MGAT5: variants seen among roughly 807,000 people sequenced by gnomAD.
MGAT5 encodes alpha-1,6-mannosylglycoprotein 6-beta-N-acetylglucosaminyltransferase.
MGAT5 carries 30 observed loss-of-function variants against 94.3 expected under a neutral mutation model. The observed-to-expected ratio is 0.32, with a 90% CI of 0.24 to 0.43. The LOEUF is 0.43. MGAT5 is among the 20% of genes least tolerant of loss of function. The pLI, the probability that MGAT5 is intolerant of heterozygous loss-of-function variation, is 1.00. For missense variants in MGAT5, 691 were observed against 905.5 expected, an observed-to-expected ratio of 0.76 and a Z score of 3.04; for synonymous variants, 310 against 322.9, an observed-to-expected ratio of 0.96 and a Z score of 0.43.
chr2:134,448,553 C>A, intron 15 of MGAT5, 96 bp from the exon 16 acceptor site: 1 of 1,091,794 alleles, frequency 9.2e-7, no homozygotes, highest in Non-Finnish European at 1.4e-6. Flanking sequence ...AACTGAACAT[C>A]CCCCCATGCC....
intron 1 of MGAT5, among the ~76,000 whole-genome samples, chr2:134,141,745 C>T (rs1182404500): frequency 6.6e-6 from 1 of 152,186 alleles, no homozygotes; most frequent in Non-Finnish European, 1.5e-5. Flanking sequence ...AAGACATTGC[C>T]AGCAGGGGCC....
intron 4 of MGAT5, among the ~76,000 whole-genome samples, chr2:134,326,369 A>G (rs1342864904): frequency 1.3e-5 from 2 of 152,060 alleles, no homozygotes; most frequent in East Asian, 3.9e-4. Flanking sequence ...CGCTTTGGCC[A>G]GTGAGGACCT....
intron 1 of MGAT5, among the ~76,000 whole-genome samples, chr2:134,142,124 T>C (rs1686685508): frequency 6.6e-6 from 1 of 152,110 alleles, no homozygotes; most frequent in South Asian, 2.1e-4. Context: ...TGGTCTTGCA[T>C]AGTTCAGGGC....
rs557698083 is a variant in MGAT5 at position 134,174,868 on chromosome 2, A to G, written c.-143+54577A>G. Among the ~76,000 whole-genome samples, 53 of 152,276 alleles carry G rather than the reference A, an allele frequency of 3.5e-4. 1 individual carries two copies. The highest frequency in any genetic ancestry group is 1.2e-3 in the African/African-American group (51 of 41,550). On this transcript the variant is annotated intron_variant, in intron 1 of 16. Transcript: ENST00000409645. ...GCTTTGGCAAGATTGTTAGCTGAGG[A>G]ATGTTGTCACCTCTTCTGGGTGCTT...
intron 9 of MGAT5, among the ~76,000 whole-genome samples, chr2:134,351,879 C>T (rs1245066770): frequency 6.6e-6 from 1 of 151,944 alleles, no homozygotes; most frequent in African/African-American, 2.4e-5. Context: ...CATGTTCCAA[C>T]GGAAAAATGG....
chr2:134,421,903 T>G (rs1020485662), intron 12 of MGAT5, among the ~76,000 whole-genome samples: 1 of 152,092 alleles, frequency 6.6e-6, no homozygotes, highest in African/African-American at 2.4e-5. Flanking sequence ...CACAGTGGCT[T>G]GTGCCTGTAA....
At chr2:134,368,754 G>A (rs1362176561) in intron 10 of MGAT5, among the ~76,000 whole-genome samples, 1 of 152,140 alleles carries the variant, frequency 6.6e-6, no homozygotes, top group Non-Finnish European at 1.5e-5. Context: ...GTGTGTTTTA[G>A]CGAGGCTCTC....
intron 1 of MGAT5, among the ~76,000 whole-genome samples, chr2:134,158,713 C>T (rs1687591853): frequency 6.6e-6 from 1 of 152,214 alleles, no homozygotes; most frequent in South Asian, 2.1e-4. Flanking sequence ...CCCTGTCCCA[C>T]CTGTGCCTCC....
At chr2:134,237,839 C>G (rs1681742668) in intron 1 of MGAT5, among the ~76,000 whole-genome samples, 1 of 151,342 alleles carries the variant, frequency 6.6e-6, no homozygotes, top group Non-Finnish European at 1.5e-5. Flanking sequence ...CAGCCTCTGC[C>G]TCCTGGGTTC....
At chr2:134,406,347 T>C (rs1381666050) in intron 11 of MGAT5, among the ~76,000 whole-genome samples, 1 of 152,212 alleles carries the variant, frequency 6.6e-6, no homozygotes, top group Non-Finnish European at 1.5e-5. Context: ...ACTGTCGCTG[T>C]ACCCCTTCTG....
At chr2:134,360,121 C>T (rs1468353733) in intron 9 of MGAT5, among the ~76,000 whole-genome samples, 1 of 151,746 alleles carries the variant, frequency 6.6e-6, no homozygotes, top group Non-Finnish European at 1.5e-5. Flanking sequence ...GGTTGTTGAT[C>T]CCTAAGTTAA....
At chr2:134,334,029 T>G (rs1370342527) in intron 4 of MGAT5, among the ~76,000 whole-genome samples, 1 of 152,162 alleles carries the variant, frequency 6.6e-6, no homozygotes, top group East Asian at 1.9e-4. Context: ...AAGATGTTCA[T>G]AATTGATTTT....
At chr2:134,287,966 C>A (rs1426451522) in intron 2 of MGAT5, among the ~76,000 whole-genome samples, 4 of 152,096 alleles carry the variant, frequency 2.6e-5, no homozygotes, top group Non-Finnish European at 5.9e-5. Context: ...ACATATGTTT[C>A]TTTGATTGTT....
rs139640945 is a variant in MGAT5, at chr2:134,239,721, G to A, written c.-142-14541G>A. 8.6e-5 allele frequency among the ~76,000 whole-genome samples: 13 copies of A among 151,950 alleles called. No individual in the cohort carries two copies. In the East Asian group the frequency reaches 2.5e-3, roughly 29 times the overall value. ...GGGATGAGGATGTGGATGGATCTAG[G>A]GGGGCCGGTATTCTGCCTACCATAG... is the stretch of plus-strand genomic sequence containing the variant. On this transcript the variant is annotated intron_variant, in intron 1 of 16. Transcript: ENST00000409645.
At chr2:134,125,503 G>T (rs1685801738) in intron 1 of MGAT5, among the ~76,000 whole-genome samples, 1 of 152,200 alleles carries the variant, frequency 6.6e-6, no homozygotes, top group Non-Finnish European at 1.5e-5. Context: ...TCTAGCTGAG[G>T]TCACCGAGGT....
intron 10 of MGAT5, among the ~76,000 whole-genome samples, chr2:134,375,603 G>T (rs536260067): frequency 1.6e-4 from 24 of 152,322 alleles, no homozygotes; most frequent in African/African-American, 5.8e-4. Context: ...ACTTACTTGC[G>T]TATCAGGACT....
intron 6 of MGAT5, among the ~76,000 whole-genome samples, chr2:134,339,016 A>G (rs1323210706): frequency 6.6e-6 from 1 of 152,164 alleles, no homozygotes; most frequent in African/African-American, 2.4e-5. Flanking sequence ...TTCTGTTCTG[A>G]TTTCAGAACT....
rs532221048 is a variant in MGAT5, at chr2:134,171,256, T to C, written c.-143+50965T>C. Among the ~76,000 whole-genome samples, 5 of 152,370 alleles carry C rather than the reference T, an allele frequency of 3.3e-5. No homozygotes were observed. The East Asian group carries it at 9.6e-4, about 29-fold the overall frequency. On this transcript the variant is annotated intron_variant, in intron 1 of 16. Coordinates refer to the MGAT5 transcript ENST00000409645. Reference sequence around the variant, plus strand: ...GAATCTATTTGAAAAAACAGGCTTGTAATTGAATTGGGTTTATTTCATACT... The same window carrying C: ...GAATCTATTTGAAAAAACAGGCTTGCAATTGAATTGGGTTTATTTCATACT...
At chr2:134,274,989 G>T (rs1684271514) in intron 2 of MGAT5, among the ~76,000 whole-genome samples, 1 of 152,198 alleles carries the variant, frequency 6.6e-6, no homozygotes, top group African/African-American at 2.4e-5. Context: ...TCCAGGGCTT[G>T]CATTTGGAAG....
Sources: gnomAD v4.1 joint callset for allele counts (sites outside exome capture counted in the v4.1 genomes callset) on GRCh38, gnomAD v4.1.1 for gene constraint, MANE v1.5 for transcripts, NCBI Gene and HGNC (gene_info 2026-07-23, HGNC 2026-07-21) for gene names.